The following TBX4 variants were observed in gnomAD, a reference collection of about 807,000 sequenced individuals.
TBX4 encodes T-box transcription factor 4.
A neutral mutation model predicts 54.6 loss-of-function variants in TBX4; 13 were observed. The observed-to-expected ratio is 0.24, with a 90% CI of 0.15 to 0.38. The LOEUF (loss-of-function observed/expected upper bound fraction) is 0.38, where lower values mean the gene tolerates loss of function less well. Among genes scored for constraint, TBX4 ranks in the 10% least tolerant of loss-of-function variants. The pLI is 1.00. For synonymous variants in TBX4, 314 were observed against 306.7 expected (o/e 1.02, Z -0.25); for missense variants, 631 against 728.5 (o/e 0.87, Z 1.54).
chr17:61,481,945 T>G lies in TBX4; in HGVS notation c.1022-952T>G, dbSNP rs961810122. The G allele has an allele frequency of 2.6e-5, 4 of 152,262 alleles. No homozygotes were observed. The highest frequency in any genetic ancestry group is 9.7e-5 in the African/African-American group (4 of 41,448). 9.4% of individuals were successfully genotyped at this position (152,262 alleles called of 1,614,324 possible). A position where few individuals can be genotyped will look rare whatever the true frequency, so the allele number is the denominator to read the frequency against. On this transcript the variant is annotated intron_variant, in intron 8 of 8. Transcript: ENST00000644296. This position sits in a 1 kb window ranked among gnomAD's most constrained non-coding sequence, Gnocchi z 4.8. ...CCATGCCCAGCTAATATTTGTATTT[T>G]TAGTAGAGATGGGGTTTCACCATGT...
rs900541032 is a variant in TBX4, at chr17:61,475,047, A to G, written c.550-3580A>G. Among the ~76,000 whole-genome samples the G allele has an allele frequency of 6.6e-6, 1 of 152,244 alleles. No individual in the cohort carries two copies. Among genetic ancestry groups the G allele is most frequent in the Admixed American group, 6.5e-5 (1 of 15,286 alleles). ...GACTTGACGCTGGTGAACAGAGATC[A>G]TGACGGCGTCTGCACCCTTCTTGAC... On this transcript the variant is annotated intron_variant, in intron 5 of 8. Transcript: ENST00000644296. The surrounding 1 kb of genome is among the most constrained non-coding windows in gnomAD (Gnocchi z 5.0).
At position 61,475,127 on chromosome 17, in the gene TBX4, C is replaced by T. The variant is rs904684509; in HGVS notation, c.550-3500C>T. ...GTGGCTCCCACCTGCCCCTGTAGGA[C>T]TGGCAGCTTCCCTCTTTGCAGGTTT... is the stretch of plus-strand genomic sequence containing the variant. On this transcript the variant is annotated intron_variant, in intron 5 of 8. Coordinates refer to ENST00000644296, the MANE Select transcript of TBX4 (RefSeq NM_001321120.2). This position sits in a 1 kb window ranked among gnomAD's most constrained non-coding sequence, Gnocchi z 5.0. Among the ~76,000 whole-genome samples, 1 of 152,244 alleles carries T rather than the reference C, an allele frequency of 6.6e-6. No homozygotes were observed. The highest frequency in any genetic ancestry group is 6.5e-5 in the Admixed American group (1 of 15,286).
chr17:61,483,288 C>T lies in TBX4; in HGVS notation c.1413C>T (p.His471=). 3 of 1,613,984 alleles carry T rather than the reference C, an allele frequency of 1.9e-6. No individual in the cohort carries two copies. Among genetic ancestry groups the T allele is most frequent in the Non-Finnish European group, 2.5e-6 (3 of 1,179,852 alleles). ...AQSSQPPGNA[H]FSVYNQLSQS... ...GCTCCCAGCCACCAGGAAATGCCCA[C>T]TTTAGTGTCTACAATCAGCTCTCCC... Residue 471 remains histidine, a synonymous_variant, in exon 9 of 9, where the codon CAC becomes CAT. Coordinates refer to ENST00000644296, the MANE Select transcript of TBX4 (RefSeq NM_001321120.2). This position sits in a 1 kb window ranked among gnomAD's most constrained non-coding sequence, Gnocchi z 6.6.
At chr17:61,466,397 G>A (rs186208820) in intron 4 of TBX4, among the ~76,000 whole-genome samples, 1 of 152,278 alleles carries the variant, frequency 6.6e-6, no homozygotes, top group Admixed American at 6.5e-5. Context: ...TTGGCTTCAG[G>A]CCCCTCCAGC....
Position 61,476,945 on chromosome 17 carries a change from T to C in TBX4, c.550-1682T>C, listed in dbSNP as rs529387201. ...CGATAAGAGCAGAGTCTTCCCAGAC[T>C]AAGACTTTGGCCAAGGTTTGCCATA... On this transcript the variant is annotated intron_variant, in intron 5 of 8. Transcript: ENST00000644296. The surrounding 1 kb of genome is among the most constrained non-coding windows in gnomAD (Gnocchi z 6.5). Among the ~76,000 whole-genome samples, 2 of 152,244 alleles carry C rather than the reference T, an allele frequency of 1.3e-5. No homozygotes were observed. The highest frequency in any genetic ancestry group is 4.1e-4 in the South Asian group (2 of 4,834).
chr17:61,462,129 C>T lies in TBX4; in HGVS notation c.282-3690C>T, dbSNP rs969701283. Among the ~76,000 whole-genome samples the T allele has an allele frequency of 6.6e-6, 1 of 152,178 alleles. No individual in the cohort carries two copies. Among genetic ancestry groups the T allele is most frequent in the African/African-American group, 2.4e-5 (1 of 41,436 alleles). On this transcript the variant is annotated intron_variant, in intron 3 of 8. Coordinates refer to ENST00000644296, the MANE Select transcript of TBX4 (RefSeq NM_001321120.2). This position sits in a 1 kb window ranked among gnomAD's most constrained non-coding sequence, Gnocchi z 4.5. ...AAGCCCCAAACCCTTGCCCCGCGCC[C>T]CGCGCGCCTCCAACACCGAGAAACG... is the stretch of plus-strand genomic sequence containing the variant.
Position 61,474,444 on chromosome 17 carries a change from C to T in TBX4, c.550-4183C>T, listed in dbSNP as rs764982876. ...TCTCCACTACCAGCATTCTGTTCCT[C>T]ATCTGTAAAATTAGAGAGCTGGACA... On this transcript the variant is annotated intron_variant, in intron 5 of 8. Coordinates refer to ENST00000644296, the MANE Select transcript of TBX4 (RefSeq NM_001321120.2). This position sits in a 1 kb window ranked among gnomAD's most constrained non-coding sequence, Gnocchi z 4.6. Among the ~76,000 whole-genome samples the T allele has an allele frequency of 1.1e-4, 16 of 152,328 alleles. No homozygotes were observed. Among genetic ancestry groups the T allele is most frequent in the Middle Eastern group, 6.8e-3 (2 of 294 alleles).
At chr17:61,477,816 CTG>C (rs2060631807) in intron 5 of TBX4, among the ~76,000 whole-genome samples, 2 of 152,020 alleles carry the variant, frequency 1.3e-5, no homozygotes, top group South Asian at 4.2e-4. Context: ...TGGAGCACAC[CTG>C]TAATTTCAGC....
At chr17:61,473,711 C>T (rs570868247) in intron 5 of TBX4, among the ~76,000 whole-genome samples, 1 of 152,344 alleles carries the variant, frequency 6.6e-6, no homozygotes, top group Admixed American at 6.5e-5. Context: ...AATGCCTGCA[C>T]CTCCCTGACC....
At chr17:61,482,579 C>T (rs931471050) in intron 8 of TBX4, among the ~76,000 whole-genome samples, 8 of 152,176 alleles carry the variant, frequency 5.3e-5, no homozygotes. Context: ...AATGCCACTG[C>T]ACATCAGGGC....
rs554094805 is a variant in TBX4 at position 61,478,114 on chromosome 17, T to A, written c.550-513T>A. Among the ~76,000 whole-genome samples, 15 of 152,150 alleles carry A rather than the reference T, an allele frequency of 9.9e-5. No homozygotes were observed. Among genetic ancestry groups the A allele is most frequent in the African/African-American group, 3.6e-4 (15 of 41,516 alleles). On this transcript the variant is annotated intron_variant, in intron 5 of 8. Coordinates refer to ENST00000644296, the MANE Select transcript of TBX4 (RefSeq NM_001321120.2). This position sits in a 1 kb window ranked among gnomAD's most constrained non-coding sequence, Gnocchi z 7.4. ...ATTTCTAGAAGAGGCAGGTCATGTG[T>A]AAGAAGGGTATTGAGAAGAGGTGAG...
At position 61,480,452 on chromosome 17, in the gene TBX4, C is replaced by T; in HGVS notation, c.1021+133C>T. On this transcript the variant is annotated intron_variant, in intron 8 of 8. Coordinates refer to ENST00000644296, the MANE Select transcript of TBX4 (RefSeq NM_001321120.2). The surrounding 1 kb of genome is among the most constrained non-coding windows in gnomAD (Gnocchi z 6.2). The stretch of plus-strand genomic sequence containing the variant: ...TGCTTGTGTGGCCTGGGAGAGTGGG[C>T]CTGAAGGGTTAGGGATCACAGCTGG... 1 of 857,082 alleles carries T rather than the reference C, an allele frequency of 1.2e-6. No homozygotes were observed. The allele number at this position is 857,082 out of a possible 1,614,324, so 53.1% of individuals were successfully genotyped here.
At position 61,459,805 on chromosome 17, in the gene TBX4, C is replaced by T. The variant is rs1313886298; in HGVS notation, c.281+2174C>T. Among the ~76,000 whole-genome samples the T allele has an allele frequency of 6.6e-6, 1 of 152,210 alleles. No individual in the cohort carries two copies. The highest frequency in any genetic ancestry group is 1.5e-5 in the Non-Finnish European group (1 of 68,042). ...TCTCTGGCAGAAAGTTATCCTTGCA[C>T]TGGGTCTGGTTCTTAAGAAAATCAC... On this transcript the variant is annotated intron_variant, in intron 3 of 8. Transcript: ENST00000644296. The surrounding 1 kb of genome is among the most constrained non-coding windows in gnomAD (Gnocchi z 4.8).
intron 5 of TBX4, among the ~76,000 whole-genome samples, chr17:61,468,458 C>T (rs1449818665): frequency 6.6e-6 from 1 of 152,174 alleles, no homozygotes; most frequent in African/African-American, 2.4e-5. Context: ...TGGGGAAGTG[C>T]AGGGCAGGGG....
intron 4 of TBX4, 147 bp from the exon 5 acceptor site, chr17:61,467,363 T>C: frequency 2.3e-6 from 2 of 869,172 alleles, no homozygotes; most frequent in East Asian, 5.3e-5. Flanking sequence ...CTCACACTCC[T>C]ACCCTTGAAG....
At chr17:61,469,905 G>A (rs2060564231) in intron 5 of TBX4, among the ~76,000 whole-genome samples, 2 of 152,216 alleles carry the variant, frequency 1.3e-5, no homozygotes, top group African/African-American at 4.8e-5. Context: ...ATTGGGAATT[G>A]CCCTTCCTTC....
intron 1 of TBX4, among the ~76,000 whole-genome samples, chr17:61,454,860 C>G (rs1207247979): frequency 6.6e-6 from 1 of 152,238 alleles, no homozygotes; most frequent in Admixed American, 6.5e-5. Context: ...TCCTTGCGAC[C>G]CCGCAGGCCG....
chr17:61,476,956 C>T lies in TBX4; in HGVS notation c.550-1671C>T, dbSNP rs1490506717. 6.6e-6 allele frequency among the ~76,000 whole-genome samples: 1 copy of T among 152,238 alleles called. No homozygotes were observed. The highest frequency in any genetic ancestry group is 1.5e-5 in the Non-Finnish European group (1 of 68,048). Reference sequence around the variant, plus strand: ...GAGTCTTCCCAGACTAAGACTTTGGCCAAGGTTTGCCATAAAAGAGCCTGA... The same window carrying T: ...GAGTCTTCCCAGACTAAGACTTTGGTCAAGGTTTGCCATAAAAGAGCCTGA... On this transcript the variant is annotated intron_variant, in intron 5 of 8. Transcript: ENST00000644296. This position sits in a 1 kb window ranked among gnomAD's most constrained non-coding sequence, Gnocchi z 6.5.
In TBX4 at chr17:61,479,357, T is replaced by A. The variant is rs1301666116; in HGVS notation, c.703-524T>A. Reference sequence around the variant, plus strand: ...CTTTCCACAGTATGCACACAGGGACTGGCAAGGTGGGCAGGGGTCACTGGG... The same window carrying A: ...CTTTCCACAGTATGCACACAGGGACAGGCAAGGTGGGCAGGGGTCACTGGG... On this transcript the variant is annotated intron_variant, in intron 6 of 8. Coordinates refer to ENST00000644296, the MANE Select transcript of TBX4 (RefSeq NM_001321120.2). The surrounding 1 kb of genome is among the most constrained non-coding windows in gnomAD (Gnocchi z 6.1). Among the ~76,000 whole-genome samples the A allele has an allele frequency of 6.6e-6, 1 of 152,136 alleles. No homozygotes were observed. The highest frequency in any genetic ancestry group is 1.5e-5 in the Non-Finnish European group (1 of 67,998).
Sources: gnomAD v4.1 joint callset for allele counts (sites outside exome capture counted in the v4.1 genomes callset) on GRCh38, gnomAD v4.1.1 for gene constraint, Gnocchi (gnomAD v3.1) non-coding constraint, MANE v1.5 for transcripts, NCBI Gene and HGNC (gene_info 2026-07-23, HGNC 2026-07-21) for gene names.